DNM3: variants seen among roughly 807,000 people sequenced by gnomAD.
DNM3 encodes the protein dynamin 3, also known as dynamin-3.
A neutral mutation model predicts 101.6 loss-of-function variants in DNM3; 47 were observed. The ratio of observed to expected loss-of-function variants is 0.46; its 90% CI spans 0.37 to 0.59. The LOEUF is 0.59. DNM3 is among the 20% of genes least tolerant of loss of function. DNM3 has a pLI of 0.00. For synonymous variants in DNM3, 385 were observed against 387.9 expected, an observed-to-expected ratio of 0.99 and a Z score of 0.09; for missense variants, 849 against 1,085.7, an observed-to-expected ratio of 0.78 and a Z score of 3.06.
At chr1:172,020,774 G>A (rs1234978704) in intron 4 of DNM3, among the ~76,000 whole-genome samples, 1 of 145,944 alleles carries the variant, frequency 6.9e-6, no homozygotes, top group Non-Finnish European at 1.5e-5. Flanking sequence ...ATTTCCAGTT[G>A]ATCACTTTCC....
At chr1:171,957,057 T>C (rs1458392793) in intron 2 of DNM3, among the ~76,000 whole-genome samples, 2 of 152,314 alleles carry the variant, frequency 1.3e-5, no homozygotes, top group East Asian at 3.9e-4. Flanking sequence ...GGGGGGCTGC[T>C]GTGAAGACCT....
intron 1 of DNM3, among the ~76,000 whole-genome samples, chr1:171,851,343 T>C (rs74123701): frequency 0.017 from 2,645 of 152,328 alleles, 70 homozygotes; most frequent in African/African-American, 0.06. Context: ...ACAAGCCATT[T>C]ATCTAAGCTG....
intron 15 of DNM3, among the ~76,000 whole-genome samples, chr1:172,304,396 A>T (rs1314119863): frequency 6.6e-6 from 1 of 152,042 alleles, no homozygotes; most frequent in Non-Finnish European, 1.5e-5. Flanking sequence ...GCAAGTCCTT[A>T]GAGACCTACA....
At position 172,411,915 on chromosome 1, in the gene DNM3, A is replaced by C; in HGVS notation, c.*4074A>C. ...AGATCACTCATTGTACATTCTAAAA[A>C]GCTCAAATGAGTCTTCTAGATACTC... On this transcript the variant is annotated 3_prime_UTR_variant, in exon 21 of 21. Transcript: ENST00000627582. 1 of 985,816 alleles carries C rather than the reference A, an allele frequency of 1.0e-6. No individual in the cohort carries two copies. Among genetic ancestry groups the C allele is most frequent in the Non-Finnish European group, 1.2e-6 (1 of 829,868 alleles). The allele number at this position is 985,816 out of a possible 1,614,324, so 61.1% of individuals were successfully genotyped here.
chr1:172,065,129 T>A (rs2051551423), intron 10 of DNM3, among the ~76,000 whole-genome samples: 1 of 152,244 alleles, frequency 6.6e-6, no homozygotes, highest in South Asian at 2.1e-4. Context: ...GGCCTTTCCC[T>A]GACTTAATGA....
chr1:171,854,172 G>GTTT lies in DNM3; in HGVS notation c.161+12356_161+12357insTTT, dbSNP rs1367214480. On this transcript the variant is annotated intron_variant, in intron 1 of 20. Coordinates refer to ENST00000627582, the MANE Select transcript of DNM3 (RefSeq NM_015569.5). ...TAGTCAGAACTTACAGAGTGTTGAG[G>GTTT]TAAAGAACATGTATTCTGTGGAGCC... is the stretch of plus-strand genomic sequence containing the variant. Among the ~76,000 whole-genome samples the GTTT allele has an allele frequency of 4.6e-5, 7 of 152,278 alleles. No homozygotes were observed. The East Asian group carries it at 1.4e-3, about 29-fold the overall frequency.
intron 17 of DNM3, among the ~76,000 whole-genome samples, chr1:172,343,908 T>C (rs1473594370): frequency 6.6e-6 from 1 of 152,230 alleles, no homozygotes; most frequent in Non-Finnish European, 1.5e-5. Flanking sequence ...GGGGTTTCCC[T>C]GAAGAAAGCT....
At chr1:172,305,317 C>A (rs1233651970) in intron 15 of DNM3, among the ~76,000 whole-genome samples, 4 of 152,134 alleles carry the variant, frequency 2.6e-5, no homozygotes, top group Admixed American at 6.5e-5. Flanking sequence ...CATACACCAT[C>A]CTAAGACTAA....
At chr1:171,991,351 TCTGA>T (rs1292301946) in intron 4 of DNM3, among the ~76,000 whole-genome samples, 12 of 152,172 alleles carry the variant, frequency 7.9e-5, no homozygotes, top group Admixed American at 4.6e-4. Flanking sequence ...TACCCTGTGC[TCTGA>T]CTGACTGGCT....
intron 14 of DNM3, among the ~76,000 whole-genome samples, chr1:172,177,572 G>C (rs1402975984): frequency 1.3e-5 from 2 of 151,818 alleles, no homozygotes; most frequent in African/African-American, 4.8e-5. Flanking sequence ...TTAGGATAAA[G>C]GACTTCATTA....
chr1:171,880,520 G>A (rs1274010812), intron 1 of DNM3, among the ~76,000 whole-genome samples: 3 of 152,254 alleles, frequency 2.0e-5, no homozygotes, highest in South Asian at 4.1e-4. Flanking sequence ...CATAAGCAAC[G>A]TTAGTTGAAT....
Position 172,408,313 on chromosome 1 carries a change from T to C in DNM3, c.*472T>C, listed in dbSNP as rs2149131272. 1 of 986,640 alleles carries C rather than the reference T, an allele frequency of 1.0e-6. No individual in the cohort carries two copies. The highest frequency in any genetic ancestry group is 1.2e-6 in the Non-Finnish European group (1 of 830,724). 61.1% of individuals were successfully genotyped at this position (986,640 alleles called of 1,614,324 possible). ...CTACTACCTACTCCATAATTGCCTA[T>C]TTAGCTCCTCTTTTCTTCCTTTTTA... On this transcript the variant is annotated 3_prime_UTR_variant, in exon 21 of 21. Transcript: ENST00000627582.
At chr1:171,918,482 A>G (rs1344167869) in intron 1 of DNM3, among the ~76,000 whole-genome samples, 4 of 152,250 alleles carry the variant, frequency 2.6e-5, no homozygotes, top group African/African-American at 9.6e-5. Flanking sequence ...AGAAGGAGAC[A>G]TATCTTTAGG....
chr1:172,395,162 G>T (rs1448062050), intron 20 of DNM3, among the ~76,000 whole-genome samples: 2 of 146,362 alleles, frequency 1.4e-5, no homozygotes, highest in African/African-American at 2.5e-5. Flanking sequence ...TTCTGTGAAA[G>T]ATCAGAAGCA....
intron 2 of DNM3, among the ~76,000 whole-genome samples, chr1:171,967,950 C>G (rs989727141): frequency 2.6e-5 from 4 of 152,148 alleles, no homozygotes; most frequent in African/African-American, 7.2e-5. Context: ...TGTGTTTATG[C>G]AAATTAAATT....
intron 12 of DNM3, among the ~76,000 whole-genome samples, chr1:172,083,267 C>T (rs2053287927): frequency 6.6e-6 from 1 of 151,180 alleles, no homozygotes; most frequent in South Asian, 2.1e-4. Flanking sequence ...ACTCTAGTTT[C>T]TATAGTGGGT....
chr1:171,924,288 T>C (rs1270060280), intron 2 of DNM3, among the ~76,000 whole-genome samples: 1 of 152,202 alleles, frequency 6.6e-6, no homozygotes, highest in Non-Finnish European at 1.5e-5. Context: ...CTAATTTACA[T>C]TCCCACCAAT....
intron 10 of DNM3, among the ~76,000 whole-genome samples, chr1:172,050,663 A>G (rs2050143323): frequency 6.6e-6 from 1 of 152,182 alleles, no homozygotes; most frequent in Non-Finnish European, 1.5e-5. Flanking sequence ...TTGGCATTCA[A>G]ATTATTTCAC....
chr1:172,156,746 T>C (rs2058354731), intron 14 of DNM3, among the ~76,000 whole-genome samples: 1 of 152,128 alleles, frequency 6.6e-6, no homozygotes, highest in African/African-American at 2.4e-5. Context: ...CATTTTTTTA[T>C]TTTTGCAGTA....
Sources: allele counts gnomAD v4.1 joint callset (sites outside exome capture counted in the v4.1 genomes callset), GRCh38; gene constraint gnomAD v4.1.1; transcripts MANE v1.5; gene names NCBI Gene and HGNC (gene_info 2026-07-23, HGNC 2026-07-21).